BCAR3: variants seen among roughly 807,000 people sequenced by gnomAD.
BCAR3 encodes the protein breast cancer anti-estrogen resistance protein 3.
BCAR3 carries 37 observed loss-of-function variants against 80.1 expected under a neutral mutation model. The observed-to-expected ratio is 0.46, with a 90% confidence interval of 0.36 to 0.61. The LOEUF (loss-of-function observed/expected upper bound fraction) is 0.61. Among genes scored for constraint, BCAR3 ranks in the 20% least tolerant of loss-of-function variants. The pLI is 0.00. For synonymous variants in BCAR3, 389 were observed against 418.9 expected, an observed-to-expected ratio of 0.93 and a Z score of 0.87; for missense variants, 978 against 1,068.2, an observed-to-expected ratio of 0.92 and a Z score of 1.18.
intron 2 of BCAR3, among the ~76,000 whole-genome samples, chr1:93,747,559 C>T (rs193032651): frequency 6.6e-6 from 1 of 151,768 alleles, no homozygotes; most frequent in East Asian, 1.9e-4. Flanking sequence ...TGTCCCACCA[C>T]CACTATGTTA....
intron 3 of BCAR3, among the ~76,000 whole-genome samples, chr1:93,694,100 C>G (rs913835058): frequency 6.6e-6 from 1 of 152,218 alleles, no homozygotes; most frequent in Admixed American, 6.5e-5. Context: ...CAGATCTGAC[C>G]AGGATTCTAA....
intron 1 of BCAR3, among the ~76,000 whole-genome samples, chr1:93,676,041 G>A (rs1648470276): frequency 1.3e-5 from 2 of 151,196 alleles, no homozygotes; most frequent in African/African-American, 2.4e-5. Flanking sequence ...GGGTGGCCAA[G>A]CCCAACATAC....
intron 2 of BCAR3, among the ~76,000 whole-genome samples, chr1:93,819,371 C>T (rs1654136210): frequency 6.6e-6 from 1 of 152,126 alleles, no homozygotes; most frequent in Non-Finnish European, 1.5e-5. Context: ...GCCGGGTCGC[C>T]CATTTTAAAC....
At chr1:93,643,759 T>C (rs1332649310) in intron 2 of BCAR3, among the ~76,000 whole-genome samples, 1 of 152,074 alleles carries the variant, frequency 6.6e-6, no homozygotes, top group African/African-American at 2.4e-5. Flanking sequence ...GTATATGGGA[T>C]TCATGCTGAG....
chr1:93,681,858 G>C (rs945854991), upstream of BCAR3: 2 of 152,088 alleles, frequency 1.3e-5, no homozygotes, highest in African/African-American at 4.8e-5. Context: ...CGCGCACTCC[G>C]GCCCTCAACT....
chr1:93,583,099 A>G (rs1311641019), intron 6 of BCAR3, 146 bp from the exon 7 acceptor site: 1 of 1,003,850 alleles, frequency 1.0e-6, no homozygotes, highest in Non-Finnish European at 1.4e-6. Flanking sequence ...ATTCAGTGTG[A>G]CTGTCCCACG....
intron 2 of BCAR3, among the ~76,000 whole-genome samples, chr1:93,771,641 G>C (rs1239884893): frequency 1.3e-5 from 2 of 152,154 alleles, no homozygotes; most frequent in Non-Finnish European, 2.9e-5. Flanking sequence ...TCTAAATTGT[G>C]TGATGTTTTA....
intron 2 of BCAR3, among the ~76,000 whole-genome samples, chr1:93,834,203 G>A (rs1654682115): frequency 6.6e-6 from 1 of 152,100 alleles, no homozygotes; most frequent in Admixed American, 6.5e-5. Context: ...GCCTTTTAAA[G>A]CCTGTAAACT....
intron 2 of BCAR3, among the ~76,000 whole-genome samples, chr1:93,666,167 T>C (rs1308971560): frequency 6.6e-6 from 1 of 152,204 alleles, no homozygotes; most frequent in Non-Finnish European, 1.5e-5. Flanking sequence ...AAAGGTAGAT[T>C]TCCTTTTGCC....
Position 93,592,165 on chromosome 1 carries a change from C to A in BCAR3, c.486+100G>T, listed in dbSNP as rs191309974. On this transcript the variant is annotated intron_variant, in intron 4 of 11. Coordinates refer to ENST00000260502, the MANE Select transcript of BCAR3 (RefSeq NM_003567.4). This position sits in a 1 kb window ranked among gnomAD's most constrained non-coding sequence, Gnocchi z 4.8. The stretch of plus-strand genomic sequence containing the variant: ...GTATTTGTTTTTGGTTACACAGGTG[C>A]TTCCGCCCATGTGGCCTCGGAGTGG... 49 of 1,529,584 alleles carry A rather than the reference C, an allele frequency of 3.2e-5. No homozygotes were observed. Among genetic ancestry groups the A allele is most frequent in the Non-Finnish European group, 4.2e-5 (47 of 1,132,200 alleles). 94.8% of individuals were successfully genotyped at this position (1,529,584 alleles called of 1,614,324 possible).
intron 2 of BCAR3, among the ~76,000 whole-genome samples, chr1:93,817,092 C>G (rs1654048221): frequency 6.6e-6 from 1 of 152,244 alleles, no homozygotes; most frequent in Non-Finnish European, 1.5e-5. Context: ...CCTGATCCCC[C>G]CACATCCTGT....
chr1:93,696,490 C>T (rs1007821716), intron 3 of BCAR3, among the ~76,000 whole-genome samples: 1 of 151,750 alleles, frequency 6.6e-6, no homozygotes, highest in Non-Finnish European at 1.5e-5. Context: ...TCTCCTTCCC[C>T]CACCACCACT....
upstream of BCAR3, among the ~76,000 whole-genome samples, chr1:93,682,103 GT>G (rs1553165535): frequency 6.6e-6 from 1 of 152,170 alleles, no homozygotes; most frequent in Non-Finnish European, 1.5e-5. Context: ...CCTTCCCCGC[GT>G]TATTTAATTA....
chr1:93,641,732 G>C lies in BCAR3; in HGVS notation c.357+572C>G, dbSNP rs192689188. ...GCCCTGAACAAGAGGGTGGCTGTTG[G>C]AATGGAAAAGATGACTCATAAAATC... is the stretch of plus-strand genomic sequence containing the variant. On this transcript the variant is annotated intron_variant, in intron 3 of 11. Coordinates refer to ENST00000260502, the MANE Select transcript of BCAR3 (RefSeq NM_003567.4). Among the ~76,000 whole-genome samples the C allele has an allele frequency of 3.3e-5, 5 of 152,270 alleles. No homozygotes were observed. In the East Asian group the frequency reaches 9.7e-4, roughly 29 times the overall value.
At chr1:93,752,014 C>T (rs2100710138) in intron 2 of BCAR3, among the ~76,000 whole-genome samples, 1 of 152,332 alleles carries the variant, frequency 6.6e-6, no homozygotes, top group South Asian at 2.1e-4. Flanking sequence ...TGAAGGTTTG[C>T]TTTGGCTTTT....
At chr1:93,650,671 T>A (rs1240171204) in intron 2 of BCAR3, among the ~76,000 whole-genome samples, 1 of 152,204 alleles carries the variant, frequency 6.6e-6, no homozygotes, top group Non-Finnish European at 1.5e-5. Flanking sequence ...GTAAGTAATA[T>A]GTGGGCATAT....
intron 7 of BCAR3, among the ~76,000 whole-genome samples, chr1:93,580,997 C>CA (rs1192065758): frequency 6.6e-6 from 1 of 152,056 alleles, no homozygotes; most frequent in Non-Finnish European, 1.5e-5. Context: ...CCTATCTCTA[C>CA]AAAAAATACA....
At chr1:93,714,584 A>G (rs1039641101) in intron 2 of BCAR3, among the ~76,000 whole-genome samples, 1 of 152,044 alleles carries the variant, frequency 6.6e-6, no homozygotes, top group African/African-American at 2.4e-5. Context: ...GAAGCAACTT[A>G]CCCTGAGATC....
chr1:93,605,086 G>T (rs1428630331), intron 3 of BCAR3, among the ~76,000 whole-genome samples: 1 of 152,174 alleles, frequency 6.6e-6, no homozygotes, highest in Non-Finnish European at 1.5e-5. Context: ...CACGCTGAAA[G>T]CCCTGGCGGG....
Sources: gnomAD v4.1 joint callset for allele counts (sites outside exome capture counted in the v4.1 genomes callset) on GRCh38, gnomAD v4.1.1 for gene constraint, Gnocchi (gnomAD v3.1) non-coding constraint, MANE v1.5 for transcripts, NCBI Gene and HGNC (gene_info 2026-07-23, HGNC 2026-07-21) for gene names.